The following TEX14 variants were observed in gnomAD, a reference collection of about 807,000 sequenced individuals.
TEX14 encodes inactive serine/threonine-protein kinase TEX14.
TEX14 carries 168 observed loss-of-function variants against 178.6 expected under a neutral mutation model. The ratio of observed to expected loss-of-function variants is 0.94; its 90% CI spans 0.83 to 1.07. The LOEUF (loss-of-function observed/expected upper bound fraction) is 1.07. Among genes scored for constraint, TEX14 ranks in the 50% least tolerant of loss-of-function variants. The pLI is 0.00. For missense variants in TEX14, 1,730 were observed against 1,753.6 expected, an observed-to-expected ratio of 0.99 and a Z score of 0.24; for synonymous variants, 626 against 634.1, an observed-to-expected ratio of 0.99 and a Z score of 0.19.
intron 1 of TEX14, chr17:58,659,235 T>A (rs442785): frequency 7.2e-4 from 355 of 493,090 alleles, no homozygotes; most frequent in South Asian, 1.4e-3. Flanking sequence ...AGCAAACACA[T>A]AGTAAAAACC....
chr17:58,596,431 G>A (rs1438575819), intron 14 of TEX14, among the ~76,000 whole-genome samples: 1 of 151,972 alleles, frequency 6.6e-6, no homozygotes, highest in East Asian at 2.0e-4. Flanking sequence ...ACAGGCACAC[G>A]CCACCATGCC....
intron 24 of TEX14, among the ~76,000 whole-genome samples, chr17:58,570,968 G>C (rs1399376237): frequency 2.6e-5 from 4 of 152,034 alleles, no homozygotes; most frequent in Non-Finnish European, 5.9e-5. Context: ...TCAGCACTCA[G>C]TACTTACCGC....
chr17:58,690,601 G>A (rs2047683048), intron 1 of TEX14, among the ~76,000 whole-genome samples: 1 of 152,156 alleles, frequency 6.6e-6, no homozygotes, highest in African/African-American at 2.4e-5. Context: ...AAGAATCTGG[G>A]TGCTTTATAA....
intron 2 of TEX14, chr17:58,631,671 C>T (rs1051003663): frequency 2.0e-5 from 3 of 150,294 alleles, no homozygotes; most frequent in Non-Finnish European, 3.0e-5. Context: ...TAGAGAAGAA[C>T]GGTCACCAAC....
At position 58,599,268 on chromosome 17, in the gene TEX14, A is replaced by G. The variant is rs946932041; in HGVS notation, c.2077T>C (p.Trp693Arg). Residue 693 changes from tryptophan to arginine, a missense_variant, in exon 14 of 32, where the codon TGG becomes CGG. Around this residue, in one of 2 missense-constraint regions of TEX14, gnomAD observed 941 missense variants for 1,072.4 expected, o/e 0.88. Coordinates refer to ENST00000349033, the MANE Select transcript of TEX14 (RefSeq NM_031272.5). ...KAETEYSFDD[W>R]DWQNGSLSSL... The stretch of plus-strand genomic sequence containing the variant: ...CTGAGTGAACCGTTTTGCCAGTCCC[A>G]GTCATCAAAAGAGTACTCTGTCTCA... The G allele has an allele frequency of 1.1e-5, 18 of 1,613,580 alleles. No individual in the cohort carries two copies. The African/African-American group carries it at 1.2e-4, about 11-fold the overall frequency.
In TEX14 at chr17:58,571,946, G is replaced by A; in HGVS notation, c.3692C>T (p.Thr1231Ile). The A allele has an allele frequency of 6.2e-7, 1 of 1,614,102 alleles. No homozygotes were observed. Among genetic ancestry groups the A allele is most frequent in the Non-Finnish European group, 8.5e-7 (1 of 1,179,990 alleles). ...KLDSLLTSSE[T>I]PPSRLTGLKR... The stretch of plus-strand genomic sequence containing the variant: ...AAGACCAGTCAGTCTTGAAGGGGGA[G>A]TTTCAGAGGAAGTAAGGAGAGAATC... Residue 1231 changes from threonine (T) to isoleucine (I), a missense_variant, in exon 24 of 32, where the codon ACT (threonine) becomes ATT (isoleucine). Physicochemically the swap from Thr to Ile is moderately conservative, Grantham distance 89. This residue lies in a region of TEX14 where 941 missense variants were observed against 1,072.4 expected (regional missense o/e 0.88). Transcript: ENST00000349033.
chr17:58,659,226 G>C, intron 1 of TEX14: 1 of 194,544 alleles, frequency 5.1e-6, no homozygotes, highest in Non-Finnish European at 6.7e-6. Context: ...AATCGCGGGA[G>C]CAAACACATA....
intron 22 of TEX14, 142 bp downstream of exon 22, chr17:58,574,045 C>A (rs909869031): frequency 1.5e-6 from 1 of 674,274 alleles, no homozygotes. Context: ...AATTTGATAA[C>A]AACTTTTTGG....
At chr17:58,568,314 G>C (rs2044446123) in intron 26 of TEX14, among the ~76,000 whole-genome samples, 1 of 151,646 alleles carries the variant, frequency 6.6e-6, no homozygotes, top group South Asian at 2.1e-4. Flanking sequence ...AAGTTCATCA[G>C]GCCAAGGGAC....
chr17:58,577,630 G>A (rs2044711106), intron 20 of TEX14, among the ~76,000 whole-genome samples, 174 bp from the exon 21 acceptor site: 1 of 152,100 alleles, frequency 6.6e-6, no homozygotes, highest in Admixed American at 6.6e-5. Flanking sequence ...TGTAGAAGAG[G>A]TTTTTGCTCT....
intron 11 of TEX14, among the ~76,000 whole-genome samples, chr17:58,602,980 C>A (rs1008039347): frequency 1.3e-5 from 2 of 151,768 alleles, no homozygotes; most frequent in South Asian, 4.2e-4. Flanking sequence ...GCAGGAGAAT[C>A]GCTTGAACCC....
rs56188180 is a variant in TEX14, at chr17:58,630,556, T to C, written c.137-2A>G. ...AGTTAACTGCATCAACATAAATTCC[T>C]GCAAAGGAAATATCAGAATCAATGC... is the stretch of plus-strand genomic sequence containing the variant. On this transcript the variant is annotated splice_acceptor_variant, in intron 2 of 31. Transcript: ENST00000349033. LOFTEE classifies it high-confidence loss of function. The C allele has an allele frequency of 5.6e-6, 9 of 1,608,196 alleles. No homozygotes were observed. The highest frequency in any genetic ancestry group is 7.7e-6 in the Non-Finnish European group (9 of 1,174,740).
chr17:58,615,130 G>C lies in TEX14; in HGVS notation c.881+102C>G, dbSNP rs1005122010. The C allele has an allele frequency of 2.3e-5, 15 of 658,608 alleles. No individual in the cohort carries two copies. The African/African-American group carries it at 2.4e-4, about 11-fold the overall frequency. The allele number at this position is 658,608 out of a possible 1,614,324, so 40.8% of individuals were successfully genotyped here. On this transcript the variant is annotated intron_variant, in intron 8 of 31. Coordinates refer to ENST00000349033, the MANE Select transcript of TEX14 (RefSeq NM_031272.5). ...AACAGTCAGGAAATGCTGAGACTGAGAGCAGCTGGAGCTCCCTATCCCAGG... is the reference window on the plus strand; with the variant it reads ...AACAGTCAGGAAATGCTGAGACTGACAGCAGCTGGAGCTCCCTATCCCAGG...
At chr17:58,603,726 C>T (rs573174379) in intron 11 of TEX14, among the ~76,000 whole-genome samples, 13 of 150,368 alleles carry the variant, frequency 8.6e-5, no homozygotes, top group East Asian at 3.9e-4. Flanking sequence ...TGGTGGCACG[C>T]GCCTGTAGTC....
chr17:58,586,215 T>TA (rs1186751777), intron 17 of TEX14, 133 bp from the exon 18 acceptor site: 61 of 999,228 alleles, frequency 6.1e-5, no homozygotes, highest in Non-Finnish European at 8.2e-5. Flanking sequence ...GCATCATCCT[T>TA]AGCTTGCCCT....
chr17:58,631,885 AT>A (rs1567748310), intron 2 of TEX14: 1 of 152,182 alleles, frequency 6.6e-6, no homozygotes, highest in Non-Finnish European at 1.5e-5. Flanking sequence ...CACACATATT[AT>A]GCTGATGGTG....
chr17:58,668,273 C>T (rs2047246745), intron 1 of TEX14, among the ~76,000 whole-genome samples: 2 of 152,212 alleles, frequency 1.3e-5, no homozygotes, highest in South Asian at 4.1e-4. Context: ...CTTTCTCCTC[C>T]ACTACAAGAC....
At chr17:58,676,352 G>A (rs1485514265) in intron 1 of TEX14, among the ~76,000 whole-genome samples, 4 of 150,176 alleles carry the variant, frequency 2.7e-5, no homozygotes, top group Non-Finnish European at 5.9e-5. Context: ...CTCCAGCTTG[G>A]GCAACAAGAG....
At chr17:58,597,561 C>T (rs1302550207) in intron 14 of TEX14, among the ~76,000 whole-genome samples, 1 of 152,072 alleles carries the variant, frequency 6.6e-6, no homozygotes, top group African/African-American at 2.4e-5. Flanking sequence ...ATGAGGCAGA[C>T]CTCTCCCACC....
Sources: gnomAD v4.1 joint callset for allele counts (sites outside exome capture counted in the v4.1 genomes callset) on GRCh38, gnomAD v4.1.1 for gene constraint, gnomAD v4.1.1 regional missense constraint, MANE v1.5 for transcripts, NCBI Gene and HGNC (gene_info 2026-07-23, HGNC 2026-07-21) for gene names.